OR6C74: variants seen among roughly 807,000 people sequenced by gnomAD.
The protein encoded by OR6C74 is olfactory receptor 6C74.
For missense variants in OR6C74, 361 were observed against 362.9 expected, an observed-to-expected ratio of 0.99 and a Z score of 0.04; for synonymous variants, 142 against 134.2, an observed-to-expected ratio of 1.06 and a Z score of -0.40.
rs71444900 is a variant in OR6C74 at position 55,249,492 on chromosome 12, TC to T, written c.*1270del. ...TCCAAGTGTATATAACTTTGTCATA[TC>T]CCCAGGCTAGCAAGAAATTTTATTT... On this transcript the variant is annotated 3_prime_UTR_variant, in exon 2 of 2. Coordinates refer to ENST00000343399, the MANE Select transcript of OR6C74 (RefSeq NM_001005490.2). Among the ~76,000 whole-genome samples, 53,061 of 151,682 alleles carry T rather than the reference TC, an allele frequency of 0.35. 9,892 individuals carry two copies. Among genetic ancestry groups the T allele is most frequent in the East Asian group, 0.77 (3,990 of 5,152 alleles).
chr12:55,251,730 A>T lies in OR6C74; in HGVS notation c.*3504A>T, dbSNP rs566629455. Among the ~76,000 whole-genome samples, 57 of 152,042 alleles carry T rather than the reference A, an allele frequency of 3.7e-4. No individual in the cohort carries two copies. Among genetic ancestry groups the T allele is most frequent in the African/African-American group, 1.3e-3 (55 of 41,554 alleles). On this transcript the variant is annotated 3_prime_UTR_variant, in exon 2 of 2. Coordinates refer to ENST00000343399, the MANE Select transcript of OR6C74 (RefSeq NM_001005490.2). Reference sequence around the variant, plus strand: ...CAATTGTATGATACAATAAAGTCCCATTGTATCATACATATCTCAAAAATT... The same window carrying T: ...CAATTGTATGATACAATAAAGTCCCTTTGTATCATACATATCTCAAAAATT...
At position 55,250,896 on chromosome 12, in the gene OR6C74, C is replaced by T. The variant is rs549728410; in HGVS notation, c.*2670C>T. ...AATATATACTGAGTAAGTATTAAGA[C>T]AAGCTAGACTCAAGGTATGTCAATT... On this transcript the variant is annotated 3_prime_UTR_variant, in exon 2 of 2. Coordinates refer to ENST00000343399, the MANE Select transcript of OR6C74 (RefSeq NM_001005490.2). Among the ~76,000 whole-genome samples the T allele has an allele frequency of 1.3e-5, 2 of 151,986 alleles. No individual in the cohort carries two copies. The highest frequency in any genetic ancestry group is 4.8e-5 in the African/African-American group (2 of 41,396).
rs1954297171 is a variant in OR6C74 at position 55,249,338 on chromosome 12, C to T, written c.*1112C>T. On this transcript the variant is annotated 3_prime_UTR_variant, in exon 2 of 2. Coordinates refer to ENST00000343399, the MANE Select transcript of OR6C74 (RefSeq NM_001005490.2). ...TTTTCTGAAAGACTAATGTCAGTTTCCTCAAGAAATATTTGTCTATGATTT... is the reference window on the plus strand; with the variant it reads ...TTTTCTGAAAGACTAATGTCAGTTTTCTCAAGAAATATTTGTCTATGATTT... Among the ~76,000 whole-genome samples the T allele has an allele frequency of 6.6e-6, 1 of 152,046 alleles. No individual in the cohort carries two copies.
rs1954322074 is a variant in OR6C74, at chr12:55,253,182, T to C, written c.*4956T>C. Among the ~76,000 whole-genome samples the C allele has an allele frequency of 6.6e-6, 1 of 152,094 alleles. No homozygotes were observed. The highest frequency in any genetic ancestry group is 1.5e-5 in the Non-Finnish European group (1 of 67,960). On this transcript the variant is annotated 3_prime_UTR_variant, in exon 2 of 2. Coordinates refer to ENST00000343399, the MANE Select transcript of OR6C74 (RefSeq NM_001005490.2). ...CATAAACATTCATTCCCAAAATCAA[T>C]AACTGGATATTTAGTGCCAGAATTA...
chr12:55,252,463 C>A lies in OR6C74; in HGVS notation c.*4237C>A, dbSNP rs1954317597. 6.6e-6 allele frequency among the ~76,000 whole-genome samples: 1 copy of A among 151,126 alleles called. No individual in the cohort carries two copies. The highest frequency in any genetic ancestry group is 1.5e-5 in the Non-Finnish European group (1 of 67,662). ...ATGTTAATCAGCTGTCTTGATTTTGCATTTTTATGTAATTTTCTAAAAGCA... is the reference window on the plus strand; with the variant it reads ...ATGTTAATCAGCTGTCTTGATTTTGAATTTTTATGTAATTTTCTAAAAGCA... On this transcript the variant is annotated 3_prime_UTR_variant, in exon 2 of 2. Transcript: ENST00000343399.
chr12:55,248,065 C>A lies in OR6C74; in HGVS notation c.778C>A (p.Pro260Thr), dbSNP rs1374929337. 5 of 1,613,916 alleles carry A rather than the reference C, an allele frequency of 3.1e-6. No individual in the cohort carries two copies. Among genetic ancestry groups the A allele is most frequent in the Admixed American group, 3.3e-5 (2 of 59,998 alleles). Residue 260 changes from proline (P) to threonine (T), a missense_variant, in exon 2 of 2, where the codon CCC becomes ACC. Pro to Thr is a conservative substitution (Grantham distance 38, BLOSUM62 -1). Transcript: ENST00000343399. ...CAGCTGCATCTTCATGTATGTGAAACCCTCAGCAAAAGAAAGAGTGTCATT... is the reference window on the plus strand; with the variant it reads ...CAGCTGCATCTTCATGTATGTGAAAACCTCAGCAAAAGAAAGAGTGTCATT... Reference protein sequence around the residue: ...YGSCIFMYVKPSAKERVSLNK... With the variant: ...YGSCIFMYVKTSAKERVSLNK...
At position 55,248,080 on chromosome 12, in the gene OR6C74, A is replaced by G; in HGVS notation, c.793A>G (p.Arg265Gly). 1 of 1,614,070 alleles carries G rather than the reference A, an allele frequency of 6.2e-7. No individual in the cohort carries two copies. The highest frequency in any genetic ancestry group is 8.5e-7 in the Non-Finnish European group (1 of 1,179,926). Residue 265 changes from arginine to glycine, a missense_variant, in exon 2 of 2, where the codon AGA becomes GGA. By Grantham distance (125) the Arg-to-Gly change is moderately radical. Transcript: ENST00000343399. ...GTATGTGAAACCCTCAGCAAAAGAAAGAGTGTCATTAAATAAAGGGATAGC... is the reference window on the plus strand; with the variant it reads ...GTATGTGAAACCCTCAGCAAAAGAAGGAGTGTCATTAAATAAAGGGATAGC... ...FMYVKPSAKE[R>G]VSLNKGIALL...
rs994711002 is a variant in OR6C74, at chr12:55,248,350, T to C, written c.*124T>C. On this transcript the variant is annotated 3_prime_UTR_variant, in exon 2 of 2. Transcript: ENST00000343399. ...CTTTTTTGACTTATAATTTTCATTATGGCCTTCCTAATCTCCAAAGCCTAA... is the reference window on the plus strand; with the variant it reads ...CTTTTTTGACTTATAATTTTCATTACGGCCTTCCTAATCTCCAAAGCCTAA... 1.0e-4 allele frequency: 65 copies of C among 629,198 alleles called. No homozygotes were observed. In the Admixed American group the frequency reaches 2.0e-3, roughly 19 times the overall value. The allele number at this position is 629,198 out of a possible 1,614,324, so 39.0% of individuals were successfully genotyped here. A position where few individuals can be genotyped will look rare whatever the true frequency, so the allele number is the denominator to read the frequency against.
Position 55,256,268 on chromosome 12 carries a change from G to T in OR6C74, c.*8042G>T, listed in dbSNP as rs113173139. Among the ~76,000 whole-genome samples, 10 of 151,806 alleles carry T rather than the reference G, an allele frequency of 6.6e-5. No individual in the cohort carries two copies. Among genetic ancestry groups the T allele is most frequent in the Non-Finnish European group, 1.2e-4 (8 of 67,924 alleles). ...GTAGAGCCTATAAATGGACGCATTG[G>T]GGGGGCACCTGTTCATATGGATAAG... On this transcript the variant is annotated 3_prime_UTR_variant, in exon 2 of 2. Transcript: ENST00000343399.
In OR6C74 at chr12:55,256,153, G is replaced by A. The variant is rs1268465537; in HGVS notation, c.*7927G>A. Among the ~76,000 whole-genome samples, 1 of 152,108 alleles carries A rather than the reference G, an allele frequency of 6.6e-6. No homozygotes were observed. The highest frequency in any genetic ancestry group is 2.4e-5 in the African/African-American group (1 of 41,422). Reference sequence around the variant, plus strand: ...TCCCCCTGCAGAGAGCCTACGAACGGACATGCAGTCAGGGAGGTTTCACAT... The same window carrying A: ...TCCCCCTGCAGAGAGCCTACGAACGAACATGCAGTCAGGGAGGTTTCACAT... On this transcript the variant is annotated 3_prime_UTR_variant, in exon 2 of 2. Transcript: ENST00000343399.
rs548138054 is a variant in OR6C74 at position 55,256,149 on chromosome 12, A to T, written c.*7923A>T. On this transcript the variant is annotated 3_prime_UTR_variant, in exon 2 of 2. Coordinates refer to ENST00000343399, the MANE Select transcript of OR6C74 (RefSeq NM_001005490.2). ...TGCTTCCCCCTGCAGAGAGCCTACG[A>T]ACGGACATGCAGTCAGGGAGGTTTC... Among the ~76,000 whole-genome samples the T allele has an allele frequency of 4.7e-4, 71 of 152,238 alleles. 2 individuals are homozygous for T. In the South Asian group the frequency reaches 0.015, roughly 31 times the overall value.
rs1360415897 is a variant in OR6C74 at position 55,248,325 on chromosome 12, C to A, written c.*99C>A. 2 of 702,084 alleles carry A rather than the reference C, an allele frequency of 2.8e-6. No homozygotes were observed. Among genetic ancestry groups the A allele is most frequent in the Admixed American group, 3.0e-5 (1 of 33,252 alleles). 43.5% of individuals were successfully genotyped at this position (702,084 alleles called of 1,614,324 possible). A position where few individuals can be genotyped will look rare whatever the true frequency, so the allele number is the denominator to read the frequency against. ...ATGTTTGTATTCAATAATATTACCT[C>A]TTTTTTGACTTATAATTTTCATTAT... On this transcript the variant is annotated 3_prime_UTR_variant, in exon 2 of 2. Transcript: ENST00000343399.
At position 55,251,098 on chromosome 12, in the gene OR6C74, C is replaced by T. The variant is rs1464816006; in HGVS notation, c.*2872C>T. On this transcript the variant is annotated 3_prime_UTR_variant, in exon 2 of 2. Transcript: ENST00000343399. The stretch of plus-strand genomic sequence containing the variant: ...CAAATATTTGCATAACCTGGCCTGT[C>T]CAGTTTGGTTTCTTATCTCTTCCAA... 1.3e-5 allele frequency among the ~76,000 whole-genome samples: 2 copies of T among 152,182 alleles called. No individual in the cohort carries two copies. Among genetic ancestry groups the T allele is most frequent in the East Asian group, 1.9e-4 (1 of 5,186 alleles).
rs76436858 is a variant in OR6C74 at position 55,253,181 on chromosome 12, A to G, written c.*4955A>G. On this transcript the variant is annotated 3_prime_UTR_variant, in exon 2 of 2. Transcript: ENST00000343399. ...CCATAAACATTCATTCCCAAAATCA[A>G]TAACTGGATATTTAGTGCCAGAATT... Among the ~76,000 whole-genome samples the G allele has an allele frequency of 1.1e-3, 160 of 152,220 alleles. No individual in the cohort carries two copies. In the East Asian group the frequency reaches 0.026, roughly 24 times the overall value.
At position 55,251,757 on chromosome 12, in the gene OR6C74, T is replaced by C. The variant is rs867825553; in HGVS notation, c.*3531T>C. Among the ~76,000 whole-genome samples, 1 of 152,048 alleles carries C rather than the reference T, an allele frequency of 6.6e-6. No individual in the cohort carries two copies. Among genetic ancestry groups the C allele is most frequent in the African/African-American group, 2.4e-5 (1 of 41,560 alleles). On this transcript the variant is annotated 3_prime_UTR_variant, in exon 2 of 2. Transcript: ENST00000343399. ...TGTATCATACATATCTCAAAAATTC[T>C]GTTTAGTTTTATCCTTTAAAAATCT...
At position 55,252,433 on chromosome 12, in the gene OR6C74, C is replaced by T. The variant is rs1186647853; in HGVS notation, c.*4207C>T. ...ATGCTTTTTTTTTTGAAATTGACTA[C>T]ATTAATGTTAATCAGCTGTCTTGAT... On this transcript the variant is annotated 3_prime_UTR_variant, in exon 2 of 2. Transcript: ENST00000343399. Among the ~76,000 whole-genome samples, 2 of 151,242 alleles carry T rather than the reference C, an allele frequency of 1.3e-5. No individual in the cohort carries two copies. Among genetic ancestry groups the T allele is most frequent in the African/African-American group, 4.9e-5 (2 of 41,222 alleles).
rs1040416204 is a variant in OR6C74, at chr12:55,255,172, G to A, written c.*6946G>A. ...TTCTAGCTATCTCTTTAAAATAGTG[G>A]GGGTTCCCTAAGTTCAGGATTTCAC... On this transcript the variant is annotated 3_prime_UTR_variant, in exon 2 of 2. Transcript: ENST00000343399. Among the ~76,000 whole-genome samples, 1 of 152,028 alleles carries A rather than the reference G, an allele frequency of 6.6e-6. No homozygotes were observed. The highest frequency in any genetic ancestry group is 2.4e-5 in the African/African-American group (1 of 41,420).
rs926821912 is a variant in OR6C74 at position 55,256,308 on chromosome 12, G to C, written c.*8082G>C. Among the ~76,000 whole-genome samples the C allele has an allele frequency of 6.6e-6, 1 of 152,000 alleles. No individual in the cohort carries two copies. The highest frequency in any genetic ancestry group is 1.5e-5 in the Non-Finnish European group (1 of 67,972). On this transcript the variant is annotated 3_prime_UTR_variant, in exon 2 of 2. Coordinates refer to ENST00000343399, the MANE Select transcript of OR6C74 (RefSeq NM_001005490.2). ...ATATGGATAAGATAGGGCTATAAAC[G>C]CCCTCATCTTGCCACAGCTCTTCTA... is the stretch of plus-strand genomic sequence containing the variant.
At position 55,251,702 on chromosome 12, in the gene OR6C74, A is replaced by G. The variant is rs1271991125; in HGVS notation, c.*3476A>G. On this transcript the variant is annotated 3_prime_UTR_variant, in exon 2 of 2. Transcript: ENST00000343399. ...AGTGTTTATGAGCATTGAAGAGATA[A>G]TTCAATTGTATGATACAATAAAGTC... Among the ~76,000 whole-genome samples the G allele has an allele frequency of 6.6e-6, 1 of 151,920 alleles. No homozygotes were observed. Among genetic ancestry groups the G allele is most frequent in the Non-Finnish European group, 1.5e-5 (1 of 67,852 alleles).
Sources: allele counts gnomAD v4.1 joint callset (sites outside exome capture counted in the v4.1 genomes callset), GRCh38; gene constraint gnomAD v4.1.1; transcripts MANE v1.5; gene names NCBI Gene and HGNC (gene_info 2026-07-23, HGNC 2026-07-21).